YLPM1: variants seen among roughly 807,000 people sequenced by gnomAD.
YLPM1 encodes the protein YLP motif containing 1.
YLPM1 carries 99 observed loss-of-function variants against 230.0 expected under a neutral mutation model. That is an observed-to-expected ratio of 0.43 (90% CI 0.37 to 0.51). The LOEUF (loss-of-function observed/expected upper bound fraction) is 0.51, where lower values mean the gene tolerates loss of function less well. YLPM1 is among the 20% of genes least tolerant of loss of function. The pLI, the probability that YLPM1 is intolerant of heterozygous loss-of-function variation, is 0.00. For missense variants in YLPM1, 2,592 were observed against 2,707.7 expected, an observed-to-expected ratio of 0.96 and a Z score of 0.95; for synonymous variants, 984 against 942.5, an observed-to-expected ratio of 1.04 and a Z score of -0.81.
chr14:74,829,147 C>T, intron 18 of YLPM1, 66 bp from the exon 19 acceptor site: 1 of 1,584,794 alleles, frequency 6.3e-7, no homozygotes, highest in Non-Finnish European at 8.6e-7. Context: ...TTCTTTTCCC[C>T]TGTGTGTGTG....
intron 17 of YLPM1, among the ~76,000 whole-genome samples, chr14:74,823,658 A>G (rs1319399317): frequency 6.6e-6 from 1 of 152,154 alleles, no homozygotes; most frequent in Non-Finnish European, 1.5e-5. Flanking sequence ...AATTTGATTC[A>G]GTAAAATTAG....
chr14:74,763,350 C>T lies in YLPM1; in HGVS notation c.-140C>T. 7 of 1,065,926 alleles carry T rather than the reference C, an allele frequency of 6.6e-6. No homozygotes were observed. The highest frequency in any genetic ancestry group is 3.5e-4 in the Middle Eastern group (1 of 2,864). 66.0% of individuals were successfully genotyped at this position (1,065,926 alleles called of 1,614,324 possible). A position where few individuals can be genotyped will look rare whatever the true frequency, so the allele number is the denominator to read the frequency against. On this transcript the variant is annotated 5_prime_UTR_variant, in exon 1 of 21. Coordinates refer to ENST00000325680, the MANE Select transcript of YLPM1 (RefSeq NM_019589.3). Reference sequence around the variant, plus strand: ...CGCGGGCCCAGCTCGGGAGCGCCGGCGCACTGGCGCGCTCCGTTTACACGC... The same window carrying T: ...CGCGGGCCCAGCTCGGGAGCGCCGGTGCACTGGCGCGCTCCGTTTACACGC...
At chr14:74,769,944 AGGCC>A (rs1464531638) in intron 1 of YLPM1, among the ~76,000 whole-genome samples, 1 of 139,464 alleles carries the variant, frequency 7.2e-6, no homozygotes, top group African/African-American at 2.6e-5. Flanking sequence ...GCACTTTGGG[AGGCC>A]TAGGCGGGCA....
intron 4 of YLPM1, among the ~76,000 whole-genome samples, chr14:74,794,597 G>T (rs971276125): frequency 3.8e-5 from 3 of 79,818 alleles, no homozygotes; most frequent in Non-Finnish European, 5.5e-5. Context: ...AGCACACAAA[G>T]TCTTTTTTTT....
rs765812829 is a variant in YLPM1, at chr14:74,802,634, A to G, written c.4479A>G (p.Glu1493=). Residue 1493 remains glutamate, a synonymous_variant, in exon 6 of 21, where the codon GAA becomes GAG. Coordinates refer to ENST00000325680, the MANE Select transcript of YLPM1 (RefSeq NM_019589.3). The part of the protein sequence containing the change: ...PQMADHLPPQ[E]SRLQNTSSRP... ...TGGCTGACCATCTACCACCTCAGGAATCAAGATTGCAGAATACATCTTCAA... is the reference window on the plus strand; with the variant it reads ...TGGCTGACCATCTACCACCTCAGGAGTCAAGATTGCAGAATACATCTTCAA... The G allele has an allele frequency of 6.2e-7, 1 of 1,613,512 alleles. No homozygotes were observed. Among genetic ancestry groups the G allele is most frequent in the South Asian group, 1.1e-5 (1 of 90,950 alleles).
chr14:74,797,810 A>G lies in YLPM1; in HGVS notation c.2513A>G (p.Lys838Arg), dbSNP rs200692306. 8 of 1,613,984 alleles carry G rather than the reference A, an allele frequency of 5.0e-6. No homozygotes were observed. In the Admixed American group the frequency reaches 1.3e-4, roughly 27 times the overall value. The part of the protein sequence containing the change: ...LSPRQSGPQW[K>R]GPKPAFGQQH... Reference sequence around the variant, plus strand: ...CCTCGACAGAGTGGACCACAGTGGAAAGGCCCCAAACCAGCTTTTGGACAG... The same window carrying G: ...CCTCGACAGAGTGGACCACAGTGGAGAGGCCCCAAACCAGCTTTTGGACAG... Residue 838 changes from lysine (K) to arginine (R), a missense_variant, in exon 5 of 21, where the codon AAA becomes AGA. Transcript: ENST00000325680.
At chr14:74,814,823 T>C (rs540138926) in intron 11 of YLPM1, among the ~76,000 whole-genome samples, 1 of 152,350 alleles carries the variant, frequency 6.6e-6, no homozygotes, top group African/African-American at 2.4e-5. Flanking sequence ...GTTTGGTGAA[T>C]TCAGTAATGA....
chr14:74,827,644 A>C, intron 18 of YLPM1: 1 of 985,412 alleles, frequency 1.0e-6, no homozygotes, highest in Non-Finnish European at 1.2e-6. Context: ...ACTTTGAAGT[A>C]TGTTAATGTC....
At chr14:74,789,646 A>G in intron 4 of YLPM1, among the ~76,000 whole-genome samples, 1 of 137,678 alleles carries the variant, frequency 7.3e-6, no homozygotes, top group African/African-American at 2.7e-5. Context: ...AATTTTATTG[A>G]GGCAGGGTCT....
In YLPM1 at chr14:74,809,710, C is replaced by G. The variant is rs754080246; in HGVS notation, c.4852C>G (p.Pro1618Ala). ...ACCCCCACCTGTTCACTCTTCCATTCCCCCTCCTGGCCCAGTGCCTATGGG... is the reference window on the plus strand; with the variant it reads ...ACCCCCACCTGTTCACTCTTCCATTGCCCCTCCTGGCCCAGTGCCTATGGG... ...LPPPPVHSSIPPPGPVPMGMP... is the reference protein window; with the variant it reads ...LPPPPVHSSIAPPGPVPMGMP... Residue 1618 changes from proline (P) to alanine (A), a missense_variant, in exon 7 of 21, where the codon CCC (proline) becomes GCC (alanine). By Grantham distance (27) the Pro-to-Ala change is conservative (BLOSUM62 -1). Around this residue, in one of 4 missense-constraint regions of YLPM1, gnomAD observed 403 missense variants for 426.7 expected, o/e 0.94. Transcript: ENST00000325680. 1 of 1,614,042 alleles carries G rather than the reference C, an allele frequency of 6.2e-7. No individual in the cohort carries two copies. The highest frequency in any genetic ancestry group is 1.1e-5 in the South Asian group (1 of 91,080).
In YLPM1 at chr14:74,798,529, A is replaced by G. The variant is rs1371085608; in HGVS notation, c.3232A>G (p.Ser1078Gly). ...SREKMNRGEG[S>G]RDRGLVRPGS... is the part of the protein sequence containing the mutation. ...AGAGAAGATGAACAGAGGAGAAGGT[A>G]GCCGGGACAGAGGGTTGGTGAGGCC... The change falls in exon 5 of 21, where the codon AGC becomes GGC. Residue 1078 changes from serine (S) to glycine (G), a missense_variant. Physicochemically the swap from Ser to Gly is moderately conservative, Grantham distance 56 (BLOSUM62 0). Transcript: ENST00000325680. The G allele has an allele frequency of 6.2e-7, 1 of 1,613,974 alleles. No individual in the cohort carries two copies. The highest frequency in any genetic ancestry group is 1.7e-5 in the Admixed American group (1 of 60,014).
chr14:74,816,635 C>A lies in YLPM1; in HGVS notation c.5630C>A (p.Thr1877Asn). The A allele has an allele frequency of 6.2e-7, 1 of 1,612,930 alleles. No homozygotes were observed. The highest frequency in any genetic ancestry group is 2.2e-5 in the East Asian group (1 of 44,842). Residue 1877 changes from threonine to asparagine, a missense_variant, in exon 13 of 21, where the codon ACT (threonine) becomes AAT (asparagine). This residue lies in a region of YLPM1 where 315 missense variants were observed against 429.3 expected (regional missense o/e 0.73). Transcript: ENST00000325680. ...RVLSLDDYFI[T>N]EVEKEEKDPD... ...CTAAGCCTGGATGATTACTTCATCA[C>A]TGAAGTGGAAAAAGAAGAAAAAGAT...
rs2091417645 is a variant in YLPM1, at chr14:74,809,908, A to G, written c.4940-2A>G. The G allele has an allele frequency of 6.2e-7, 1 of 1,606,662 alleles. No homozygotes were observed. The highest frequency in any genetic ancestry group is 8.5e-7 in the Non-Finnish European group (1 of 1,176,462). ...TACTTTATCTCTGATTTTGTTTACCAGATATATCCACTAATAAAGTTGAAC... is the reference window on the plus strand; with the variant it reads ...TACTTTATCTCTGATTTTGTTTACCGGATATATCCACTAATAAAGTTGAAC... On this transcript the variant is annotated splice_acceptor_variant, in intron 7 of 20. Transcript: ENST00000325680. LOFTEE classifies it high-confidence loss of function.
At chr14:74,800,145 G>A (rs1051533880) in intron 5 of YLPM1, among the ~76,000 whole-genome samples, 2 of 152,192 alleles carry the variant, frequency 1.3e-5, no homozygotes, top group African/African-American at 4.8e-5. Context: ...AGCTAAGAAT[G>A]GTTTGCTTAG....
At chr14:74,816,876 G>A (rs2091482255) in intron 13 of YLPM1, 55 bp from the exon 14 acceptor site, 2 of 1,501,944 alleles carry the variant, frequency 1.3e-6, no homozygotes, top group East Asian at 2.3e-5. Context: ...CAAGGAAAAG[G>A]TTTTGGATGA....
At chr14:74,782,411 C>T in intron 4 of YLPM1, 86 bp downstream of exon 4, 2 of 1,393,230 alleles carry the variant, frequency 1.4e-6, no homozygotes, top group Non-Finnish European at 1.9e-6. Flanking sequence ...TAAAAAGCTT[C>T]ATTTATACAA....
chr14:74,784,628 G>C (rs2241274), intron 4 of YLPM1, among the ~76,000 whole-genome samples: 7 of 152,036 alleles, frequency 4.6e-5, no homozygotes, highest in Non-Finnish European at 1.0e-4. Context: ...GCCATATAAG[G>C]CATTGATTCT....
At chr14:74,768,327 G>A (rs902955489) in intron 1 of YLPM1, among the ~76,000 whole-genome samples, 5 of 152,140 alleles carry the variant, frequency 3.3e-5, no homozygotes, top group Non-Finnish European at 7.3e-5. Context: ...TCGGCTCACT[G>A]CAACTTCCAC....
At chr14:74,765,655 T>C (rs1349173972) in intron 1 of YLPM1, among the ~76,000 whole-genome samples, 1 of 152,232 alleles carries the variant, frequency 6.6e-6, no homozygotes, top group African/African-American at 2.4e-5. Context: ...TGAGCCAAAA[T>C]AGGACATTTA....
Sources: allele counts gnomAD v4.1 joint callset (sites outside exome capture counted in the v4.1 genomes callset), GRCh38; gene constraint gnomAD v4.1.1; regional missense constraint gnomAD v4.1.1; transcripts MANE v1.5; gene names NCBI Gene and HGNC (gene_info 2026-07-23, HGNC 2026-07-21).